Variants in NCAM2 observed in about 807,000 individuals in gnomAD.
The protein encoded by NCAM2 is N-CAM-2.
Under a neutral mutation model 98.1 loss-of-function variants are expected in NCAM2, and 30 were observed. The ratio of observed to expected loss-of-function variants is 0.31; its 90% CI spans 0.23 to 0.41. The LOEUF (loss-of-function observed/expected upper bound fraction) is 0.41, where lower values mean the gene tolerates loss of function less well. Among genes scored for constraint, NCAM2 ranks in the 10% least tolerant of loss-of-function variants. The pLI is 1.00. For missense variants in NCAM2, 867 were observed against 1,005.8 expected (o/e 0.86, Z 1.87); for synonymous variants, 368 against 342.4 (o/e 1.07, Z -0.83).
At chr21:21,170,566 G>A (rs761063226) in intron 1 of NCAM2, among the ~76,000 whole-genome samples, 7 of 152,126 alleles carry the variant, frequency 4.6e-5, no homozygotes, top group African/African-American at 9.7e-5. Flanking sequence ...GGGTTTGCAA[G>A]GGAAAGGATG....
chr21:21,076,989 T>C (rs1435901269), intron 1 of NCAM2, among the ~76,000 whole-genome samples: 1 of 152,106 alleles, frequency 6.6e-6, no homozygotes, highest in Non-Finnish European at 1.5e-5. Context: ...TATCAGAGTT[T>C]GGTCATAAGA....
At chr21:21,477,666 A>G in intron 15 of NCAM2, among the ~76,000 whole-genome samples, 195 bp downstream of exon 15, 1 of 152,114 alleles carries the variant, frequency 6.6e-6, no homozygotes, top group Non-Finnish European at 1.5e-5. Context: ...TTGTAAATAT[A>G]TTTTGACCCC....
rs572117975 is a variant in NCAM2 at position 21,398,728 on chromosome 21, A to G, written c.1196-11546A>G. ...TTCTAAAACTGACCAGGTAGTGACT[A>G]TGAACTGGGCAAGAGAGCTCATACT... On this transcript the variant is annotated intron_variant, in intron 9 of 17. Coordinates refer to ENST00000400546, the MANE Select transcript of NCAM2 (RefSeq NM_004540.5). 2.0e-5 allele frequency among the ~76,000 whole-genome samples: 3 copies of G among 152,308 alleles called. No individual in the cohort carries two copies. The South Asian group carries it at 6.2e-4, about 32-fold the overall frequency.
chr21:21,071,149 C>T (rs8130166), intron 1 of NCAM2, among the ~76,000 whole-genome samples: 5,633 of 152,104 alleles, frequency 0.037, 326 homozygotes, highest in African/African-American at 0.13. Flanking sequence ...AACTGATATA[C>T]TAATTCCTAT....
At chr21:21,280,772 G>A in intron 2 of NCAM2, 120 bp downstream of exon 2, 2 of 641,472 alleles carry the variant, frequency 3.1e-6, no homozygotes, top group Non-Finnish European at 5.0e-6. Context: ...CTTACAGTTG[G>A]TTTTTTGTTT....
intron 10 of NCAM2, among the ~76,000 whole-genome samples, chr21:21,414,749 G>A (rs2076955590): frequency 6.6e-6 from 1 of 152,084 alleles, no homozygotes; most frequent in Admixed American, 6.5e-5. Flanking sequence ...GATTACAGGC[G>A]TGAGCCACCG....
intron 1 of NCAM2, among the ~76,000 whole-genome samples, chr21:21,022,873 T>C (rs893287476): frequency 6.6e-6 from 1 of 152,006 alleles, no homozygotes; most frequent in Non-Finnish European, 1.5e-5. Flanking sequence ...AATAATTAAA[T>C]AACAAAAGCA....
intron 6 of NCAM2, among the ~76,000 whole-genome samples, chr21:21,334,744 T>C (rs780753829): frequency 6.6e-6 from 1 of 152,088 alleles, no homozygotes; most frequent in African/African-American, 2.4e-5. Context: ...TTTTAATATA[T>C]TGAAAATATT....
chr21:21,506,593 G>A, intron 15 of NCAM2, among the ~76,000 whole-genome samples: 1 of 151,824 alleles, frequency 6.6e-6, no homozygotes, highest in East Asian at 1.9e-4. Flanking sequence ...CTTGTTTATT[G>A]AGATTTTGCA....
chr21:21,455,503 T>C (rs1201796925), intron 12 of NCAM2, among the ~76,000 whole-genome samples: 2 of 151,964 alleles, frequency 1.3e-5, no homozygotes, highest in East Asian at 1.9e-4. Context: ...AAATTATTCA[T>C]AGAAATGTTT....
At chr21:21,448,022 G>C (rs1277188845) in intron 12 of NCAM2, among the ~76,000 whole-genome samples, 1 of 151,924 alleles carries the variant, frequency 6.6e-6, no homozygotes, top group East Asian at 1.9e-4. Flanking sequence ...AATATAACTG[G>C]ACCCAGCAAT....
At chr21:21,449,408 A>G (rs1044201045) in intron 12 of NCAM2, among the ~76,000 whole-genome samples, 105 of 152,026 alleles carry the variant, frequency 6.9e-4, no homozygotes, top group African/African-American at 2.3e-3. Context: ...GACTGCTCAA[A>G]CATACACTCT....
At chr21:21,000,795 A>T (rs8184905) in intron 1 of NCAM2, among the ~76,000 whole-genome samples, 76,835 of 151,948 alleles carry the variant, frequency 0.51, 19,939 homozygotes, top group East Asian at 0.76. Flanking sequence ...GCTTGGATAT[A>T]GATATCCTCA....
chr21:21,257,437 A>C (rs1269407823), intron 1 of NCAM2, among the ~76,000 whole-genome samples: 2 of 152,218 alleles, frequency 1.3e-5, no homozygotes, highest in Non-Finnish European at 2.9e-5. Flanking sequence ...GGTAATCATT[A>C]GAGCACGTTG....
intron 9 of NCAM2, among the ~76,000 whole-genome samples, chr21:21,408,541 A>G (rs1171874713): frequency 2.0e-5 from 3 of 152,158 alleles, no homozygotes; most frequent in Non-Finnish European, 4.4e-5. Context: ...TCCCTTTAAT[A>G]ATAGATGATA....
intron 1 of NCAM2, among the ~76,000 whole-genome samples, chr21:21,222,949 C>T (rs2070230611): frequency 6.6e-6 from 1 of 152,130 alleles, no homozygotes; most frequent in African/African-American, 2.4e-5. Flanking sequence ...TTGGCACAAC[C>T]ACCTCAATCT....
In NCAM2 at chr21:21,099,723, C is replaced by A. The variant is rs7278520; in HGVS notation, c.55+101105C>A. ...TTAAGAAAATGGTGAAGGTTGTTAG[C>A]TTTAGCTAGTTTCCAAGTGTCAACA... On this transcript the variant is annotated intron_variant, in intron 1 of 17. Transcript: ENST00000400546. 4.5e-3 allele frequency among the ~76,000 whole-genome samples: 690 copies of A among 151,948 alleles called. 5 individuals are homozygous for A. The highest frequency in any genetic ancestry group is 0.033 in the East Asian group (170 of 5,158).
At chr21:21,206,325 T>G (rs1316305474) in intron 1 of NCAM2, among the ~76,000 whole-genome samples, 1 of 152,160 alleles carries the variant, frequency 6.6e-6, no homozygotes, top group Non-Finnish European at 1.5e-5. Context: ...TCTTGAAAAC[T>G]TCTGTTATCA....
intron 1 of NCAM2, among the ~76,000 whole-genome samples, chr21:21,016,807 A>T (rs902807116): frequency 3.9e-5 from 6 of 152,136 alleles, no homozygotes; most frequent in African/African-American, 1.4e-4. Flanking sequence ...GCCGCAGGTC[A>T]CGTAGCTATG....
Sources: allele counts gnomAD v4.1 joint callset (sites outside exome capture counted in the v4.1 genomes callset), GRCh38; gene constraint gnomAD v4.1.1; transcripts MANE v1.5; gene names NCBI Gene and HGNC (gene_info 2026-07-23, HGNC 2026-07-21).